The following UTP14A variants were observed in gnomAD, a reference collection of about 807,000 sequenced individuals.
The protein encoded by UTP14A is U3 small nucleolar RNA-associated protein 14 homolog A.
In UTP14A, 5 loss-of-function variants were observed where a neutral mutation model predicts 57.2. That is an observed-to-expected ratio of 0.09 (90% CI 0.05 to 0.18). The LOEUF (loss-of-function observed/expected upper bound fraction) is 0.18, where lower values mean the gene tolerates loss of function less well. Among genes scored for constraint, UTP14A ranks in the 10% least tolerant of loss-of-function variants. UTP14A has a pLI of 1.00. For synonymous variants in UTP14A, 169 were observed against 210.9 expected (o/e 0.80, Z 1.72); for missense variants, 430 against 562.1 (o/e 0.76, Z 2.38).
rs141794617 is a variant in UTP14A, at chrX:129,911,056, C to T, written c.287C>T (p.Thr96Ile). Residue 96 changes from threonine to isoleucine, a missense_variant, in exon 5 of 15, where the codon ACT becomes ATT. By Grantham distance (89) the Thr-to-Ile change is moderately conservative. This residue lies in a region of UTP14A where 145 missense variants were observed against 153.5 expected (regional missense o/e 0.94). Coordinates refer to ENST00000394422, the MANE Select transcript of UTP14A (RefSeq NM_006649.4). ...VLADLLEPVK[T>I]SSSLATVKKQ... is the part of the protein sequence containing the mutation. ...GCAGATCTGCTTGAGCCTGTTAAAA[C>T]TTCATCTTCTTTGGCCACTGTGAAA... 8.3e-7 allele frequency: 1 copy of T among 1,210,002 alleles called. No individual in the cohort carries two copies. Among genetic ancestry groups the T allele is most frequent in the African/African-American group, 1.7e-5 (1 of 57,162 alleles).
chrX:129,906,371 C>T, intron 1 of UTP14A, 135 bp downstream of exon 1: 1 of 613,621 alleles, frequency 1.6e-6, no homozygotes, highest in Non-Finnish European at 2.6e-6. Flanking sequence ...TTCCTATTTT[C>T]CGCGATCCAG....
intron 4 of UTP14A, among the ~76,000 whole-genome samples, chrX:129,909,235 A>T (rs1929368307): frequency 1.1e-5 from 1 of 89,700 alleles, no homozygotes; most frequent in Admixed American, 1.3e-4. Flanking sequence ...TTTGAGACAG[A>T]GTCTCACTCT....
rs753790545 is a variant in UTP14A at position 129,910,743 on chromosome X, G to T, written c.239-265G>T. The stretch of plus-strand genomic sequence containing the variant: ...TATGTGAAGAATGAATTGCAATGGG[G>T]CAAGAGTAGAAGCACCAGGAGAAAA... On this transcript the variant is annotated intron_variant, in intron 4 of 14. Coordinates refer to ENST00000394422, the MANE Select transcript of UTP14A (RefSeq NM_006649.4). Among the ~76,000 whole-genome samples, 64 of 112,390 alleles carry T rather than the reference G, an allele frequency of 5.7e-4. 1 individual carries two copies. The highest frequency in any genetic ancestry group is 2.1e-3 in the African/African-American group (64 of 30,977).
At chrX:129,927,871 A>C (rs1185675781) in intron 14 of UTP14A, among the ~76,000 whole-genome samples, 1 of 111,312 alleles carries the variant, frequency 9.0e-6, no homozygotes, top group Non-Finnish European at 1.9e-5. Flanking sequence ...GCCACTGGGG[A>C]AGTGTTGAAA....
intron 5 of UTP14A, 104 bp from the exon 6 acceptor site, chrX:129,911,662 C>G (rs1429502717): frequency 5.0e-6 from 5 of 993,140 alleles, no homozygotes; most frequent in African/African-American, 3.8e-5. Flanking sequence ...CATCCTGATT[C>G]TTTCTTGGGC....
intron 3 of UTP14A, chrX:129,908,381 T>G: frequency 2.4e-6 from 1 of 409,334 alleles, no homozygotes. Context: ...GAAATAAATT[T>G]ACTTACCCCC....
chrX:129,910,457 G>A, intron 4 of UTP14A, among the ~76,000 whole-genome samples: 1 of 111,565 alleles, frequency 9.0e-6, no homozygotes, highest in Admixed American at 9.6e-5. Context: ...GGCCGAGGTG[G>A]GCGGACTGCT....
chrX:129,926,333 T>C lies in UTP14A; in HGVS notation c.2037T>C (p.Ala679=). The change falls in exon 14 of 15, where the codon GCT becomes GCC. Residue 679 remains alanine, a synonymous_variant. Transcript: ENST00000394422. ...INEKRNIHAA[A]HQVRVLPYPF... ...AGAAGCGCAACATCCACGCAGCTGC[T>C]CATCAGGTGAGAGCTTAGAGAGCTC... is the stretch of plus-strand genomic sequence containing the variant. 8.3e-7 allele frequency: 1 copy of C among 1,209,924 alleles called. No homozygotes were observed. The highest frequency in any genetic ancestry group is 1.1e-6 in the Non-Finnish European group (1 of 893,687).
chrX:129,913,168 G>A (rs906659078), intron 6 of UTP14A, among the ~76,000 whole-genome samples: 1 of 111,615 alleles, frequency 9.0e-6, no homozygotes, highest in Non-Finnish European at 1.9e-5. Context: ...AGTTTCTTAG[G>A]CGTTGGGAAG....
rs193179888 is a variant in UTP14A at position 129,923,988 on chromosome X, T to C, written c.1349-807T>C. On this transcript the variant is annotated intron_variant, in intron 11 of 14. Coordinates refer to ENST00000394422, the MANE Select transcript of UTP14A (RefSeq NM_006649.4). The stretch of plus-strand genomic sequence containing the variant: ...CTTTTTTTTTTTTTTTGAGACGTCT[T>C]GCCCTGTTGCCCAGGCTAGTATGCA... Among the ~76,000 whole-genome samples the C allele has an allele frequency of 1.6e-3, 171 of 108,757 alleles. 3 individuals are homozygous for C. In the East Asian group the frequency reaches 0.047, roughly 30 times the overall value. 94.4% of individuals were successfully genotyped at this position (108,757 alleles called of 115,157 possible). A position where few individuals can be genotyped will look rare whatever the true frequency, so the allele number is the denominator to read the frequency against.
chrX:129,927,827 T>A (rs1930159997), intron 14 of UTP14A, among the ~76,000 whole-genome samples: 3 of 111,607 alleles, frequency 2.7e-5, no homozygotes, highest in African/African-American at 9.8e-5. Context: ...GATTTTTACA[T>A]CCCCATTTTC....
At chrX:129,911,274 T>G in intron 5 of UTP14A, 124 bp downstream of exon 5, 1 of 923,699 alleles carries the variant, frequency 1.1e-6, no homozygotes, top group Non-Finnish European at 1.5e-6. Flanking sequence ...TTCCCCACTA[T>G]GGATAAGATT....
At position 129,920,764 on chromosome X, in the gene UTP14A, T is replaced by C; in HGVS notation, c.954+12T>C. 2 of 1,211,455 alleles carry C rather than the reference T, an allele frequency of 1.7e-6. No homozygotes were observed. Among genetic ancestry groups the C allele is most frequent in the East Asian group, 3.0e-5 (1 of 33,835 alleles). ...AATATGACCTGGAGGTAAGAGACCC[T>C]TGGGGTGAGAGAAGATCTGGAATTG... On this transcript the variant is annotated intron_variant, in intron 10 of 14. Transcript: ENST00000394422.
Position 129,908,672 on chromosome X carries a change from G to T in UTP14A, c.176G>T (p.Arg59Leu). The T allele has an allele frequency of 1.7e-6, 2 of 1,210,271 alleles. No homozygotes were observed. Among genetic ancestry groups the T allele is most frequent in the Non-Finnish European group, 2.2e-6 (2 of 894,254 alleles). Reference protein sequence around the residue: ...AISSLDGKNRRKLAERSEASL... With the variant: ...AISSLDGKNRLKLAERSEASL... ...TATATCGTTTTGCCTAATTTCAGGC[G>T]GAAATTGGCTGAGAGGTCTGAGGCT... Residue 59 changes from arginine (R) to leucine (L), a missense_variant and splice_region_variant, in exon 4 of 15, where the codon CGG becomes CTG. Physicochemically the swap from Arg to Leu is moderately radical, Grantham distance 102. Around this residue, in one of 4 missense-constraint regions of UTP14A, gnomAD observed 145 missense variants for 153.5 expected, o/e 0.94. Transcript: ENST00000394422.
chrX:129,919,662 A>G (rs1929833355), intron 8 of UTP14A, among the ~76,000 whole-genome samples, 173 bp downstream of exon 8: 1 of 112,071 alleles, frequency 8.9e-6, no homozygotes, highest in Admixed American at 9.5e-5. Flanking sequence ...CAGTTTTGCC[A>G]AAAAGATGAC....
chrX:129,929,618 G>A lies in UTP14A; in HGVS notation c.*10G>A. ...ATGCTCTGTAGATTGAGTTGCTGGA[G>A]GAGTGACAGCCAGGAGCCCTGACTT... is the stretch of plus-strand genomic sequence containing the variant. On this transcript the variant is annotated 3_prime_UTR_variant, in exon 15 of 15. Coordinates refer to ENST00000394422, the MANE Select transcript of UTP14A (RefSeq NM_006649.4). The A allele has an allele frequency of 8.3e-7, 1 of 1,205,016 alleles. No individual in the cohort carries two copies. Among genetic ancestry groups the A allele is most frequent in the Non-Finnish European group, 1.1e-6 (1 of 890,673 alleles).
At chrX:129,911,233 C>A in intron 5 of UTP14A, 83 bp downstream of exon 5, 10 of 1,076,189 alleles carry the variant, frequency 9.3e-6, no homozygotes, top group Middle Eastern at 2.6e-4. Flanking sequence ...AAGGGAAAGA[C>A]CTGAAAAATG....
intron 6 of UTP14A, among the ~76,000 whole-genome samples, chrX:129,914,934 G>T (rs371904291): frequency 1.8e-5 from 2 of 112,631 alleles, no homozygotes; most frequent in Non-Finnish European, 3.8e-5. Context: ...CAGGCCAGAC[G>T]GATGTGGTGG....
intron 12 of UTP14A, 43 bp downstream of exon 12, chrX:129,925,238 G>A (rs370795031): frequency 7.8e-5 from 92 of 1,175,774 alleles, no homozygotes; most frequent in Non-Finnish European, 1.0e-4. Context: ...AGAAAGTGTC[G>A]TTCTTGCGCA....
Sources: gnomAD v4.1 joint callset for allele counts (sites outside exome capture counted in the v4.1 genomes callset) on GRCh38, gnomAD v4.1.1 for gene constraint, gnomAD v4.1.1 regional missense constraint, MANE v1.5 for transcripts, NCBI Gene and HGNC (gene_info 2026-07-23, HGNC 2026-07-21) for gene names.